The following STAG1 variants were observed in gnomAD, a reference collection of about 807,000 sequenced individuals.
STAG1 encodes the protein STAG1 cohesin complex component.
Under a neutral mutation model 170.9 loss-of-function variants are expected in STAG1, and 26 were observed. That is an observed-to-expected ratio of 0.15 (90% CI 0.11 to 0.21). The LOEUF (loss-of-function observed/expected upper bound fraction) is 0.21, where lower values mean the gene tolerates loss of function less well. Ranked by LOEUF, STAG1 falls within the 10% of genes least tolerant of loss-of-function variation. The probability of loss-of-function intolerance (pLI) is 1.00; values close to 1 mark genes in which losing one functional copy is unlikely to be tolerated. For synonymous variants in STAG1, 514 were observed against 497.7 expected, an observed-to-expected ratio of 1.03 and a Z score of -0.44; for missense variants, 964 against 1,509.5, an observed-to-expected ratio of 0.64 and a Z score of 5.99.
intron 1 of STAG1, among the ~76,000 whole-genome samples, chr3:136,749,909 TAAAA>T (rs111943900): frequency 1.4e-5 from 2 of 139,642 alleles, no homozygotes; most frequent in African/African-American, 5.1e-5. Context: ...TGTTATGCAT[TAAAA>T]AAAAAAAGAA....
chr3:136,345,117 C>T (rs761605983), intron 29 of STAG1, among the ~76,000 whole-genome samples: 25 of 151,440 alleles, frequency 1.7e-4, no homozygotes, highest in Non-Finnish European at 2.5e-4. Flanking sequence ...TTTGAGACAG[C>T]GTCTCACTCT....
At position 136,705,415 on chromosome 3, in the gene STAG1, ACACACACAC is replaced by A. The variant is rs371841128; in HGVS notation, c.-84+46771_-84+46779del. Among the ~76,000 whole-genome samples, 461 of 141,614 alleles carry A rather than the reference ACACACACAC, an allele frequency of 3.3e-3. 5 individuals carry two copies. Among genetic ancestry groups the A allele is most frequent in the African/African-American group, 0.011 (441 of 39,350 alleles). The allele number at this position is 141,614 out of a possible 152,430, so 92.9% of individuals were successfully genotyped here. ...CACACACACACACACACACACACACACACACACACAACGAAGTTCAACGTATGATATTGT... is the reference window on the plus strand; with the variant it reads ...CACACACACACACACACACACACACAAACGAAGTTCAACGTATGATATTGT... On this transcript the variant is annotated intron_variant, in intron 1 of 33. Transcript: ENST00000383202.
At chr3:136,512,916 T>C (rs777753441) in intron 7 of STAG1, among the ~76,000 whole-genome samples, 7 of 151,910 alleles carry the variant, frequency 4.6e-5, no homozygotes, top group Non-Finnish European at 1.0e-4. Flanking sequence ...TTGAGGAAAA[T>C]GTCCAATATG....
intron 28 of STAG1, among the ~76,000 whole-genome samples, chr3:136,354,011 CA>C (rs1240378606): frequency 6.6e-6 from 1 of 151,914 alleles, no homozygotes; most frequent in Non-Finnish European, 1.5e-5. Flanking sequence ...GGAATGATAC[CA>C]GATGGCAATT....
intron 4 of STAG1, among the ~76,000 whole-genome samples, chr3:136,574,628 G>C (rs1324333629): frequency 4.6e-5 from 7 of 152,098 alleles, no homozygotes; most frequent in Non-Finnish European, 1.0e-4. Context: ...AAATTCATTA[G>C]GAAGCTATAA....
chr3:136,608,455 G>A lies in STAG1; in HGVS notation c.133-3982C>T, dbSNP rs562463681. ...CTAAAGTGGGATAATCGATTGAGCC[G>A]GGGAGGCAGAGTCTGCAGTGAGCCG... On this transcript the variant is annotated intron_variant, in intron 3 of 33. Transcript: ENST00000383202. Among the ~76,000 whole-genome samples the A allele has an allele frequency of 1.7e-4, 25 of 151,004 alleles. 1 individual carries two copies. The South Asian group carries it at 2.7e-3, about 17-fold the overall frequency.
Position 136,383,077 on chromosome 3 carries a change from T to C in STAG1, c.2278-5325A>G, listed in dbSNP as rs555787715. ...TAGTGGGAATTATGATTCCCAAGAC[T>C]GTGATTTTGCTCAAGTTGAGGAAGG... is the stretch of plus-strand genomic sequence containing the variant. On this transcript the variant is annotated intron_variant, in intron 22 of 33. Coordinates refer to ENST00000383202, the MANE Select transcript of STAG1 (RefSeq NM_005862.3). Among the ~76,000 whole-genome samples, 78 of 152,340 alleles carry C rather than the reference T, an allele frequency of 5.1e-4. No individual in the cohort carries two copies. The South Asian group carries it at 9.7e-3, about 19-fold the overall frequency.
chr3:136,750,791 C>A (rs1464792357), intron 1 of STAG1, among the ~76,000 whole-genome samples: 2 of 152,212 alleles, frequency 1.3e-5, no homozygotes, highest in African/African-American at 4.8e-5. Flanking sequence ...AACATTTCTG[C>A]TTCTTTCCAT....
At chr3:136,740,695 T>C (rs765649436) in intron 1 of STAG1, among the ~76,000 whole-genome samples, 16 of 152,090 alleles carry the variant, frequency 1.1e-4, no homozygotes, top group Non-Finnish European at 1.5e-4. Context: ...TGCCCAGGCT[T>C]GTCTGAAACT....
intron 14 of STAG1, among the ~76,000 whole-genome samples, chr3:136,449,710 C>T (rs2088882103): frequency 6.6e-6 from 1 of 152,082 alleles, no homozygotes; most frequent in Non-Finnish European, 1.5e-5. Context: ...CAAATTACTT[C>T]TTTAAATAAA....
intron 1 of STAG1, among the ~76,000 whole-genome samples, chr3:136,632,071 C>CT (rs1036958500): frequency 6.6e-6 from 1 of 152,016 alleles, no homozygotes; most frequent in Non-Finnish European, 1.5e-5. Context: ...CTAATGGAAA[C>CT]TATGTAAGTT....
chr3:136,469,485 C>T (rs960264660), intron 12 of STAG1, among the ~76,000 whole-genome samples: 10 of 146,544 alleles, frequency 6.8e-5, no homozygotes, highest in African/African-American at 1.5e-4. Context: ...AAATAAAAGA[C>T]GACACAAACA....
intron 1 of STAG1, among the ~76,000 whole-genome samples, chr3:136,661,509 G>A (rs1227303917): frequency 6.6e-6 from 1 of 152,130 alleles, no homozygotes; most frequent in Non-Finnish European, 1.5e-5. Context: ...TTCAGGCTAT[G>A]TGTATAAAAT....
intron 23 of STAG1, among the ~76,000 whole-genome samples, chr3:136,372,709 T>C (rs1937410462): frequency 6.6e-6 from 1 of 152,056 alleles, no homozygotes; most frequent in Admixed American, 6.6e-5. Context: ...CACTTGATCA[T>C]GGTGGATAAG....
At chr3:136,440,792 C>A (rs1286147663) in intron 15 of STAG1, among the ~76,000 whole-genome samples, 1 of 151,752 alleles carries the variant, frequency 6.6e-6, no homozygotes. Flanking sequence ...GAGTTTGAGA[C>A]CAGCTTAGGC....
chr3:136,649,394 G>A (rs1252744823), intron 1 of STAG1, among the ~76,000 whole-genome samples: 5 of 151,034 alleles, frequency 3.3e-5, no homozygotes, highest in African/African-American at 1.2e-4. Context: ...CATGAGAATT[G>A]CTTGAACCCG....
intron 1 of STAG1, among the ~76,000 whole-genome samples, chr3:136,703,125 TAAG>T (rs1399942243): frequency 7.4e-4 from 111 of 150,114 alleles, no homozygotes; most frequent in Non-Finnish European, 1.3e-4. Flanking sequence ...ATGGCCAAGT[TAAG>T]AAGCTCCAAG....
intron 5 of STAG1, among the ~76,000 whole-genome samples, chr3:136,567,926 T>C (rs1937141108): frequency 6.6e-6 from 1 of 152,130 alleles, no homozygotes; most frequent in African/African-American, 2.4e-5. Context: ...TTACTCACAA[T>C]GAAGATGCCT....
chr3:136,371,371 T>G (rs990348466), intron 23 of STAG1, among the ~76,000 whole-genome samples: 2 of 152,174 alleles, frequency 1.3e-5, no homozygotes, highest in South Asian at 4.1e-4. Flanking sequence ...TAGATCCCAT[T>G]TGTCAATTTT....
Sources: gnomAD v4.1 joint callset for allele counts (sites outside exome capture counted in the v4.1 genomes callset) on GRCh38, gnomAD v4.1.1 for gene constraint, MANE v1.5 for transcripts, NCBI Gene and HGNC (gene_info 2026-07-23, HGNC 2026-07-21) for gene names.